Variants in SPRING1 observed in about 807,000 individuals in gnomAD.
The protein encoded by SPRING1 is SREBF pathway regulator in golgi 1, also known as SREBP regulating gene protein.
In SPRING1, 14 loss-of-function variants were observed where a neutral mutation model predicts 24.7. The observed-to-expected ratio is 0.57, with a 90% CI of 0.37 to 0.88. SPRING1 has a LOEUF of 0.88. SPRING1 is among the 40% of genes least tolerant of loss of function. SPRING1 has a pLI of 0.00. For missense variants in SPRING1, 255 were observed against 268.4 expected (o/e 0.95, Z 0.35); for synonymous variants, 93 against 106.1 (o/e 0.88, Z 0.76).
chr12:116,733,443 A>T (rs1871088021), intron 1 of SPRING1, among the ~76,000 whole-genome samples: 1 of 147,304 alleles, frequency 6.8e-6, no homozygotes, highest in Non-Finnish European at 1.5e-5. Flanking sequence ...CGGCCCTCCC[A>T]AAGTGCTGGG....
intron 4 of SPRING1, among the ~76,000 whole-genome samples, chr12:116,718,881 T>C (rs1870278888): frequency 6.6e-6 from 1 of 152,214 alleles, no homozygotes; most frequent in African/African-American, 2.4e-5. Flanking sequence ...CAAATGCTCA[T>C]TATAATCCCT....
intron 1 of SPRING1, among the ~76,000 whole-genome samples, chr12:116,737,030 T>C (rs1236409559): frequency 6.6e-6 from 1 of 152,190 alleles, no homozygotes; most frequent in African/African-American, 2.4e-5. Flanking sequence ...GCTGCGAAGA[T>C]GAAGCCAGCA....
chr12:116,724,325 CACTTT>C (rs1021991610), intron 1 of SPRING1, among the ~76,000 whole-genome samples: 47 of 152,168 alleles, frequency 3.1e-4, no homozygotes, highest in Admixed American at 5.2e-4. Context: ...TGTCTACATA[CACTTT>C]GGCCCAGGAA....
chr12:116,717,914 A>C lies in SPRING1; in HGVS notation c.535-21T>G. 1 of 1,579,410 alleles carries C rather than the reference A, an allele frequency of 6.3e-7. No homozygotes were observed. The highest frequency in any genetic ancestry group is 1.1e-5 in the South Asian group (1 of 87,438). On this transcript the variant is annotated intron_variant, in intron 4 of 4. Coordinates refer to ENST00000261318, the MANE Select transcript of SPRING1 (RefSeq NM_024738.4). This position sits in a 1 kb window ranked among gnomAD's most constrained non-coding sequence, Gnocchi z 4.2. The stretch of plus-strand genomic sequence containing the variant: ...ACGCTCTGTTGGCAAAAGGAAAATA[A>C]GAGCGCAGTGAGAGCGAGCACAGCT...
At position 116,728,590 on chromosome 12, in the gene SPRING1, T is replaced by C. The variant is rs1354399713; in HGVS notation, c.112-5367A>G. On this transcript the variant is annotated intron_variant, in intron 1 of 4. Transcript: ENST00000261318. The surrounding 1 kb of genome is among the most constrained non-coding windows in gnomAD (Gnocchi z 4.2). Reference sequence around the variant, plus strand: ...CAAAGCAGCAGAGAGGATAATCAACTATTCTCCAGGCAAAAGCTGCCGCAT... The same window carrying C: ...CAAAGCAGCAGAGAGGATAATCAACCATTCTCCAGGCAAAAGCTGCCGCAT... 6.6e-6 allele frequency among the ~76,000 whole-genome samples: 1 copy of C among 152,228 alleles called. No individual in the cohort carries two copies. The highest frequency in any genetic ancestry group is 1.9e-4 in the East Asian group (1 of 5,198).
At chr12:116,733,910 T>C (rs1871112517) in intron 1 of SPRING1, among the ~76,000 whole-genome samples, 1 of 152,178 alleles carries the variant, frequency 6.6e-6, no homozygotes, top group African/African-American at 2.4e-5. Context: ...ACAGTCTCAC[T>C]CTGTTGCCCA....
At chr12:116,736,749 G>C (rs769316912) in intron 1 of SPRING1, among the ~76,000 whole-genome samples, 8 of 152,158 alleles carry the variant, frequency 5.3e-5, no homozygotes, top group Non-Finnish European at 5.9e-5. Flanking sequence ...CTTTGGGTAA[G>C]ATTTCCCCAC....
chr12:116,729,939 G>A (rs990941100), intron 1 of SPRING1, among the ~76,000 whole-genome samples: 4 of 151,414 alleles, frequency 2.6e-5, no homozygotes, highest in Non-Finnish European at 4.4e-5. Flanking sequence ...TCGCTCTGTC[G>A]CCCAGGCTGG....
At chr12:116,729,453 A>C (rs981201575) in intron 1 of SPRING1, among the ~76,000 whole-genome samples, 3 of 152,256 alleles carry the variant, frequency 2.0e-5, no homozygotes, top group Admixed American at 6.5e-5. Context: ...TTACCATCTG[A>C]CCCAGTAATG....
At chr12:116,730,009 T>C (rs976410883) in intron 1 of SPRING1, among the ~76,000 whole-genome samples, 15 of 152,296 alleles carry the variant, frequency 9.8e-5, no homozygotes, top group African/African-American at 3.6e-4. Flanking sequence ...CATGCCATTC[T>C]CCTGCCTCAG....
rs751260629 is a variant in SPRING1, at chr12:116,723,109, G to C, written c.226C>G (p.Arg76Gly). ...GNSSRPSNQCRNSIQGKHLIT... is the reference protein window; with the variant it reads ...GNSSRPSNQCGNSIQGKHLIT... The stretch of plus-strand genomic sequence containing the variant: ...AGGTGCTTCCCTTGAATGGAGTTGC[G>C]GCACTGATTGCTCGGACGACTGCTA... Residue 76 changes from arginine to glycine, a missense_variant, in exon 2 of 5, where the codon CGC (arginine) becomes GGC (glycine). By Grantham distance (125) the Arg-to-Gly change is moderately radical. Coordinates refer to ENST00000261318, the MANE Select transcript of SPRING1 (RefSeq NM_024738.4). The C allele has an allele frequency of 6.2e-7, 1 of 1,612,776 alleles. No individual in the cohort carries two copies. Among genetic ancestry groups the C allele is most frequent in the Non-Finnish European group, 8.5e-7 (1 of 1,180,036 alleles).
intron 2 of SPRING1, among the ~76,000 whole-genome samples, chr12:116,722,322 T>C (rs974509279): frequency 6.6e-6 from 1 of 152,178 alleles, no homozygotes; most frequent in African/African-American, 2.4e-5. Context: ...AAAAGAATAT[T>C]CTTTCACTAG....
chr12:116,723,915 T>G (rs1870560206), intron 1 of SPRING1, among the ~76,000 whole-genome samples: 1 of 152,156 alleles, frequency 6.6e-6, no homozygotes, highest in Non-Finnish European at 1.5e-5. Flanking sequence ...CTTCTGGTCT[T>G]GAAGCTATGT....
chr12:116,736,847 T>C (rs947254149), intron 1 of SPRING1, among the ~76,000 whole-genome samples: 5 of 152,068 alleles, frequency 3.3e-5, no homozygotes, highest in Non-Finnish European at 2.9e-5. Context: ...ATTCTACCAA[T>C]CAAGTTATGC....
intron 1 of SPRING1, among the ~76,000 whole-genome samples, chr12:116,729,797 T>C (rs1323470171): frequency 1.3e-5 from 2 of 152,254 alleles, no homozygotes; most frequent in Non-Finnish European, 2.9e-5. Context: ...AGATTACTGA[T>C]TGCTTAGGAC....
chr12:116,718,234 G>A (rs76879767), intron 4 of SPRING1, among the ~76,000 whole-genome samples: 8,169 of 152,258 alleles, frequency 0.054, 320 homozygotes, highest in East Asian at 0.18. Flanking sequence ...GATCCAATGG[G>A]TGTTTTGCAC....
At chr12:116,723,349 G>A (rs1870535479) in intron 1 of SPRING1, 126 bp from the exon 2 acceptor site, 8 of 1,133,472 alleles carry the variant, frequency 7.1e-6, no homozygotes, top group Non-Finnish European at 9.8e-6. Flanking sequence ...ACCAGAATCT[G>A]CCCTCTCCTG....
intron 1 of SPRING1, among the ~76,000 whole-genome samples, chr12:116,735,349 T>C (rs1871169996): frequency 6.6e-6 from 1 of 152,124 alleles, no homozygotes; most frequent in Non-Finnish European, 1.5e-5. Flanking sequence ...TAAGTTTCAG[T>C]TTCTACAAGC....
At chr12:116,737,601 G>A (rs1214866274) in intron 1 of SPRING1, among the ~76,000 whole-genome samples, 189 bp downstream of exon 1, 5 of 145,190 alleles carry the variant, frequency 3.4e-5, no homozygotes, top group South Asian at 2.2e-4. Context: ...GATAAGGAAG[G>A]AGGGGAGGTA....
Sources: allele counts gnomAD v4.1 joint callset (sites outside exome capture counted in the v4.1 genomes callset), GRCh38; gene constraint gnomAD v4.1.1; non-coding constraint Gnocchi (gnomAD v3.1); transcripts MANE v1.5; gene names NCBI Gene and HGNC (gene_info 2026-07-23, HGNC 2026-07-21).